Variants in MARCHF1 observed in about 807,000 individuals in gnomAD.
MARCHF1 encodes the protein E3 ubiquitin-protein ligase MARCHF1.
Under a neutral mutation model 54.2 loss-of-function variants are expected in MARCHF1, and 40 were observed. The ratio of observed to expected loss-of-function variants is 0.74; its 90% confidence interval spans 0.57 to 0.96. MARCHF1 has a LOEUF of 0.96. MARCHF1 is among the 40% of genes least tolerant of loss of function. The pLI, the probability that MARCHF1 is intolerant of heterozygous loss-of-function variation, is 0.00. For missense variants in MARCHF1, 586 were observed against 656.5 expected (o/e 0.89, Z 1.17); for synonymous variants, 236 against 236.3 (o/e 1.00, Z 0.01).
intron 5 of MARCHF1, among the ~76,000 whole-genome samples, chr4:163,654,893 A>ATAGAT (rs201356726): frequency 6.6e-6 from 1 of 151,612 alleles, no homozygotes; most frequent in East Asian, 1.9e-4. Context: ...GATTAGTCAT[A>ATAGAT]TAGATCTCTA....
intron 2 of MARCHF1, among the ~76,000 whole-genome samples, chr4:164,055,651 A>G (rs1273822584): frequency 2.0e-5 from 3 of 152,150 alleles, no homozygotes; most frequent in Non-Finnish European, 4.4e-5. Flanking sequence ...TTTGACTTAA[A>G]ATATATTAAG....
At chr4:163,755,560 A>C (rs1269952447) in intron 4 of MARCHF1, among the ~76,000 whole-genome samples, 5 of 152,068 alleles carry the variant, frequency 3.3e-5, no homozygotes, top group Admixed American at 6.6e-5. Context: ...TGGGTATGAC[A>C]CTAACATTTT....
At chr4:164,213,615 C>T (rs2111126244) in intron 1 of MARCHF1, among the ~76,000 whole-genome samples, 1 of 151,964 alleles carries the variant, frequency 6.6e-6, no homozygotes, top group East Asian at 1.9e-4. Flanking sequence ...TAGGTATATG[C>T]TAATAAAATT....
rs576781116 is a variant in MARCHF1, at chr4:164,144,414, C to A, written c.-322-32752G>T. Among the ~76,000 whole-genome samples, 23 of 150,630 alleles carry A rather than the reference C, an allele frequency of 1.5e-4. No individual in the cohort carries two copies. The East Asian group carries it at 2.5e-3, about 17-fold the overall frequency. On this transcript the variant is annotated intron_variant, in intron 1 of 9. Coordinates refer to ENST00000514618, the MANE Select transcript of MARCHF1 (RefSeq NM_001394959.1). Reference sequence around the variant, plus strand: ...CACCTATTCCAAAATTGACCACATACTTGGAAGTAAAGCTCTCCTCAGCAA... The same window carrying A: ...CACCTATTCCAAAATTGACCACATAATTGGAAGTAAAGCTCTCCTCAGCAA...
At chr4:163,613,569 A>C in intron 5 of MARCHF1, 176 bp from the exon 6 acceptor site, 1 of 1,522,552 alleles carries the variant, frequency 6.6e-7, no homozygotes, top group Non-Finnish European at 8.8e-7. Flanking sequence ...AGTAAAACTT[A>C]TTTGAGGAAC....
At chr4:164,278,125 C>A (rs1269117102) in intron 1 of MARCHF1, among the ~76,000 whole-genome samples, 1 of 152,112 alleles carries the variant, frequency 6.6e-6, no homozygotes, top group Non-Finnish European at 1.5e-5. Context: ...AGCCTGAGAA[C>A]CTGGCAAAAG....
intron 3 of MARCHF1, among the ~76,000 whole-genome samples, chr4:163,924,307 T>C (rs1751493504): frequency 6.6e-6 from 1 of 152,056 alleles, no homozygotes; most frequent in African/African-American, 2.4e-5. Context: ...GCTGGACTTT[T>C]GACATGTGAA....
intron 4 of MARCHF1, among the ~76,000 whole-genome samples, chr4:163,716,442 A>C (rs1745259672): frequency 6.6e-6 from 1 of 152,222 alleles, no homozygotes; most frequent in Admixed American, 6.5e-5. Flanking sequence ...AATTACAGTT[A>C]AGTTAAACTT....
intron 3 of MARCHF1, among the ~76,000 whole-genome samples, chr4:163,975,287 T>G (rs771574455): frequency 6.6e-6 from 1 of 151,614 alleles, no homozygotes; most frequent in Admixed American, 6.6e-5. Flanking sequence ...TGAGAAGAAA[T>G]TATTATCAAA....
At chr4:164,356,198 G>A (rs1209649249) in intron 1 of MARCHF1, among the ~76,000 whole-genome samples, 3 of 109,722 alleles carry the variant, frequency 2.7e-5, no homozygotes, top group African/African-American at 9.0e-5. Flanking sequence ...CATTGTGGAA[G>A]TCAGTGTGGC....
chr4:163,906,960 A>G (rs1457155658), intron 3 of MARCHF1, among the ~76,000 whole-genome samples: 3 of 152,026 alleles, frequency 2.0e-5, no homozygotes, highest in Admixed American at 1.3e-4. Flanking sequence ...TCCATTGTCC[A>G]TATATTACCA....
chr4:164,328,960 A>AT (rs1481852729), intron 1 of MARCHF1, among the ~76,000 whole-genome samples: 1 of 152,190 alleles, frequency 6.6e-6, no homozygotes, highest in Non-Finnish European at 1.5e-5. Flanking sequence ...TTCAGTTAAG[A>AT]TTTTTTTCCT....
intron 3 of MARCHF1, among the ~76,000 whole-genome samples, chr4:163,854,421 T>C (rs891676322): frequency 1.3e-5 from 2 of 152,164 alleles, no homozygotes; most frequent in Non-Finnish European, 2.9e-5. Flanking sequence ...GTGACACTAG[T>C]AGACAATGAG....
At position 164,182,664 on chromosome 4, in the gene MARCHF1, A is replaced by G. The variant is rs1398297477; in HGVS notation, c.-322-71002T>C. Among the ~76,000 whole-genome samples, 4 of 152,102 alleles carry G rather than the reference A, an allele frequency of 2.6e-5. No individual in the cohort carries two copies. In the South Asian group the frequency reaches 8.3e-4, roughly 32 times the overall value. The stretch of plus-strand genomic sequence containing the variant: ...ACAATACTGTTACACAGATTTTACA[A>G]TCATATATTTTAAATTAAATAAATG... On this transcript the variant is annotated intron_variant, in intron 1 of 9. Coordinates refer to ENST00000514618, the MANE Select transcript of MARCHF1 (RefSeq NM_001394959.1).
At chr4:163,948,982 C>A (rs983536287) in intron 3 of MARCHF1, among the ~76,000 whole-genome samples, 2 of 152,208 alleles carry the variant, frequency 1.3e-5, no homozygotes, top group Admixed American at 1.3e-4. Flanking sequence ...TCACAGGATC[C>A]TTTGGGTGTC....
At chr4:164,074,841 T>C (rs893200543) in intron 2 of MARCHF1, among the ~76,000 whole-genome samples, 1 of 151,180 alleles carries the variant, frequency 6.6e-6, no homozygotes, top group African/African-American at 2.4e-5. Flanking sequence ...ATATGTAAAT[T>C]CATAAAAAAT....
intron 1 of MARCHF1, among the ~76,000 whole-genome samples, chr4:164,233,084 A>G (rs1732457806): frequency 6.6e-6 from 1 of 152,214 alleles, no homozygotes; most frequent in African/African-American, 2.4e-5. Context: ...AAGCATCTAA[A>G]GTAATACTTT....
chr4:164,140,239 C>CTATATATATATATA (rs70948702), intron 1 of MARCHF1, among the ~76,000 whole-genome samples: 2,144 of 147,256 alleles, frequency 0.015, 19 homozygotes, highest in Non-Finnish European at 0.02. Context: ...TACACACACA[C>CTATATATATATATA]TATATATATA....
At chr4:164,271,817 C>T (rs1733752169) in intron 1 of MARCHF1, among the ~76,000 whole-genome samples, 2 of 152,030 alleles carry the variant, frequency 1.3e-5, no homozygotes, top group Non-Finnish European at 2.9e-5. Context: ...AATATGACTA[C>T]ATCGAAATAT....
Sources: allele counts gnomAD v4.1 joint callset (sites outside exome capture counted in the v4.1 genomes callset), GRCh38; gene constraint gnomAD v4.1.1; transcripts MANE v1.5; gene names NCBI Gene and HGNC (gene_info 2026-07-23, HGNC 2026-07-21).